Variants in STAG3 observed in about 807,000 individuals in gnomAD.
STAG3 encodes the protein STAG3 cohesin complex component, also known as cohesin subunit SA-3.
In STAG3, 101 loss-of-function variants were observed where a neutral mutation model predicts 160.7. The observed-to-expected ratio is 0.63, with a 90% CI of 0.54 to 0.74. The LOEUF is 0.74. Among genes scored for constraint, STAG3 ranks in the 30% least tolerant of loss-of-function variants. The pLI is 0.00. For missense variants in STAG3, 1,188 were observed against 1,517.4 expected, an observed-to-expected ratio of 0.78 and a Z score of 3.61; for synonymous variants, 519 against 585.0, an observed-to-expected ratio of 0.89 and a Z score of 1.63.
intron 4 of STAG3, among the ~76,000 whole-genome samples, chr7:100,184,615 A>G (rs1326627478): frequency 6.6e-6 from 1 of 151,522 alleles, no homozygotes; most frequent in Admixed American, 6.6e-5. Flanking sequence ...TTACAGATGC[A>G]TGCCACCACG....
At chr7:100,210,285 G>A (rs1417256703) in intron 29 of STAG3, among the ~76,000 whole-genome samples, 2 of 152,178 alleles carry the variant, frequency 1.3e-5, no homozygotes, top group Non-Finnish European at 2.9e-5. Context: ...TTTTAGTGGA[G>A]AAGGGGGGTA....
At chr7:100,181,714 G>A (rs184193317) in intron 2 of STAG3, among the ~76,000 whole-genome samples, 1 of 152,198 alleles carries the variant, frequency 6.6e-6, no homozygotes, top group East Asian at 1.9e-4. Context: ...TTGGGAGGCC[G>A]AGGCGGGTGG....
intron 4 of STAG3, among the ~76,000 whole-genome samples, chr7:100,184,508 G>A (rs1169922504): frequency 9.5e-6 from 1 of 104,846 alleles, no homozygotes; most frequent in African/African-American, 3.7e-5. Flanking sequence ...TTGTTCTGTC[G>A]CCAGGCTGGA....
chr7:100,216,481 TCAA>T (rs957149836), downstream of STAG3, among the ~76,000 whole-genome samples: 1 of 152,174 alleles, frequency 6.6e-6, no homozygotes, highest in Admixed American at 6.5e-5. Flanking sequence ...AAATCATGGT[TCAA>T]CATTTTCTGA....
chr7:100,188,372 G>T, intron 5 of STAG3, 81 bp from the exon 6 acceptor site: 2 of 955,846 alleles, frequency 2.1e-6, no homozygotes, highest in South Asian at 2.6e-5. Flanking sequence ...ATGTTTCCTT[G>T]CTCATCTTCA....
At chr7:100,197,742 C>T in intron 10 of STAG3, 36 bp from the exon 11 acceptor site, 1 of 1,553,880 alleles carries the variant, frequency 6.4e-7, no homozygotes, top group South Asian at 1.1e-5. Flanking sequence ...TGTGGTTAGT[C>T]TTATTTCCAT....
intron 8 of STAG3, among the ~76,000 whole-genome samples, chr7:100,193,748 T>C (rs538746632): frequency 5.3e-4 from 80 of 152,320 alleles, no homozygotes; most frequent in Admixed American, 1.0e-3. Context: ...TGATCTTCTG[T>C]TCGGACTACT....
intron 29 of STAG3, among the ~76,000 whole-genome samples, chr7:100,209,054 C>G (rs981558291): frequency 7.2e-5 from 11 of 152,074 alleles, no homozygotes; most frequent in African/African-American, 2.7e-4. Context: ...TACAAGGTGT[C>G]TCTGGGAGCA....
chr7:100,180,743 G>C (rs895738001), intron 2 of STAG3, 71 bp downstream of exon 2: 5 of 927,910 alleles, frequency 5.4e-6, no homozygotes, highest in African/African-American at 1.6e-5. Flanking sequence ...TTCCCACATT[G>C]ATGATAATAT....
intron 16 of STAG3, 103 bp downstream of exon 16, chr7:100,199,747 T>G: frequency 5.6e-6 from 5 of 886,412 alleles, no homozygotes; most frequent in Non-Finnish European, 8.5e-6. Flanking sequence ...CTTCTACCCT[T>G]TAAAGAATTT....
chr7:100,186,854 A>T (rs762032984), intron 5 of STAG3, among the ~76,000 whole-genome samples: 2 of 151,446 alleles, frequency 1.3e-5, no homozygotes, highest in Non-Finnish European at 2.9e-5. Flanking sequence ...GTCTTTCTGG[A>T]TGCAATAATG....
At chr7:100,193,466 C>T (rs1800469171) in intron 8 of STAG3, among the ~76,000 whole-genome samples, 1 of 152,228 alleles carries the variant, frequency 6.6e-6, no homozygotes, top group Admixed American at 6.5e-5. Context: ...GTTTAGTCCA[C>T]ATTGAAAATT....
intron 19 of STAG3, 47 bp downstream of exon 19, chr7:100,201,016 G>A: frequency 1.2e-6 from 2 of 1,614,024 alleles, no homozygotes. Flanking sequence ...AAGGGTGGGA[G>A]GGGCTGCAAG....
chr7:100,202,204 C>G lies in STAG3; in HGVS notation c.2427C>G (p.Ile809Met). The change falls in exon 24 of 34, where the codon ATC becomes ATG. Residue 809 changes from isoleucine (I) to methionine (M), a missense_variant. Physicochemically the swap from Ile to Met is conservative, Grantham distance 10. Around this residue, in one of 4 missense-constraint regions of STAG3, gnomAD observed 647 missense variants for 717.2 expected, o/e 0.90. Coordinates refer to ENST00000615138, the MANE Select transcript of STAG3 (RefSeq NM_001282717.2). ...TCTTATTAAGTGATCTACTTCTCAT[C>G]TTTAGCCCTCAGATGATTGTTGGGG... ...AFVLLSDLLL[I>M]FSPQMIVGGR... The G allele has an allele frequency of 6.2e-7, 1 of 1,614,060 alleles. No homozygotes were observed.
chr7:100,201,648 A>G lies in STAG3; in HGVS notation c.2221-138A>G, dbSNP rs1219901420. On this transcript the variant is annotated intron_variant, in intron 21 of 33. Coordinates refer to ENST00000615138, the MANE Select transcript of STAG3 (RefSeq NM_001282717.2). ...TAGATGCCTCTGAAGAATGTCCAGA[A>G]TATCACTCATTTTCCACTGGAAAAG... 4 of 763,952 alleles carry G rather than the reference A, an allele frequency of 5.2e-6. No homozygotes were observed. The Admixed American group carries it at 6.6e-5, about 13-fold the overall frequency. The allele number at this position is 763,952 out of a possible 1,614,324, so 47.3% of individuals were successfully genotyped here.
intron 5 of STAG3, among the ~76,000 whole-genome samples, chr7:100,188,181 G>A (rs1562969599): frequency 6.6e-6 from 1 of 152,148 alleles, no homozygotes; most frequent in Admixed American, 6.5e-5. Context: ...TGCCATTTCT[G>A]TGCAGTTTTC....
At chr7:100,190,787 C>T (rs1169383244) in intron 8 of STAG3, among the ~76,000 whole-genome samples, 11 of 152,090 alleles carry the variant, frequency 7.2e-5, no homozygotes, top group Admixed American at 5.9e-4. Context: ...CTTTTTGCTA[C>T]CTAGCTTATT....
chr7:100,187,096 A>G (rs932130780), intron 5 of STAG3, among the ~76,000 whole-genome samples: 5 of 151,796 alleles, frequency 3.3e-5, no homozygotes, highest in Non-Finnish European at 7.4e-5. Context: ...CAGTGGCATG[A>G]TCTCGGCTCA....
In STAG3 at chr7:100,205,114, C is replaced by T; in HGVS notation, c.3061C>T (p.His1021Tyr). 2.5e-6 allele frequency: 4 copies of T among 1,614,152 alleles called. No individual in the cohort carries two copies. Among genetic ancestry groups the T allele is most frequent in the Non-Finnish European group, 3.4e-6 (4 of 1,180,016 alleles). Reference protein sequence around the residue: ...LLSEFSPRLFHQDKQLLLSYL... With the variant: ...LLSEFSPRLFYQDKQLLLSYL... The stretch of plus-strand genomic sequence containing the variant: ...TTCAGAGTTTTCCCCCCGACTCTTC[C>T]ATCAGGACAAGCAGCTTTTGTAAGT... Residue 1021 changes from histidine to tyrosine, a missense_variant, in exon 28 of 34, where the codon CAT (histidine) becomes TAT (tyrosine). By Grantham distance (83) the His-to-Tyr change is moderately conservative. Coordinates refer to ENST00000615138, the MANE Select transcript of STAG3 (RefSeq NM_001282717.2).
Sources: allele counts gnomAD v4.1 joint callset (sites outside exome capture counted in the v4.1 genomes callset), GRCh38; gene constraint gnomAD v4.1.1; regional missense constraint gnomAD v4.1.1; transcripts MANE v1.5; gene names NCBI Gene and HGNC (gene_info 2026-07-23, HGNC 2026-07-21).